Variants in CTDSP2 observed in about 807,000 individuals in gnomAD.
The protein encoded by CTDSP2 is CTD small phosphatase 2.
CTDSP2 carries 9 observed loss-of-function variants against 31.6 expected under a neutral mutation model. The observed-to-expected ratio is 0.28, with a 90% CI of 0.17 to 0.50. The LOEUF is 0.50. Among genes scored for constraint, CTDSP2 ranks in the 20% least tolerant of loss-of-function variants. The pLI is 0.98. For missense variants in CTDSP2, 267 were observed against 348.5 expected (o/e 0.77, Z 1.86); for synonymous variants, 134 against 134.5 (o/e 1.00, Z 0.03).
intron 3 of CTDSP2, 86 bp downstream of exon 3, chr12:57,827,466 G>A: frequency 3.4e-6 from 5 of 1,454,292 alleles, no homozygotes; most frequent in South Asian, 2.3e-5. Context: ...TAGGCACCAA[G>A]GACTATGCAC....
At position 57,820,235 on chromosome 12, in the gene CTDSP2, A is replaced by G. The variant is rs1235064486; in HGVS notation, c.*3367T>C. ...CTCCATGGGCAGGCCCTACAACGTT[A>G]AAAGAATGGGGCAGCTGGCCCGACC... On this transcript the variant is annotated 3_prime_UTR_variant, in exon 8 of 8. Transcript: ENST00000398073. The G allele has an allele frequency of 6.6e-6, 1 of 152,344 alleles. No homozygotes were observed. Among genetic ancestry groups the G allele is most frequent in the Admixed American group, 6.5e-5 (1 of 15,284 alleles). 9.4% of individuals were successfully genotyped at this position (152,344 alleles called of 1,614,324 possible). A position where few individuals can be genotyped will look rare whatever the true frequency, so the allele number is the denominator to read the frequency against.
chr12:57,823,889 A>T lies in CTDSP2; in HGVS notation c.690+15T>A, dbSNP rs781080931. On this transcript the variant is annotated intron_variant, in intron 7 of 7. Coordinates refer to ENST00000398073, the MANE Select transcript of CTDSP2 (RefSeq NM_005730.4). The stretch of plus-strand genomic sequence containing the variant: ...CTCCCAATCCCTACCGTGGAGACGC[A>T]TCAGGAGCACTCACTGCATTCTCGG... The T allele has an allele frequency of 1.2e-6, 2 of 1,613,658 alleles. No individual in the cohort carries two copies. Among genetic ancestry groups the T allele is most frequent in the South Asian group, 2.2e-5 (2 of 91,062 alleles).
At chr12:57,839,056 T>A (rs1592242392) in intron 1 of CTDSP2, among the ~76,000 whole-genome samples, 1 of 152,198 alleles carries the variant, frequency 6.6e-6, no homozygotes, top group East Asian at 1.9e-4. Flanking sequence ...ACATACACAC[T>A]CATTGAGGCT....
intron 1 of CTDSP2, among the ~76,000 whole-genome samples, chr12:57,846,161 G>A (rs920008831): frequency 6.6e-6 from 1 of 152,196 alleles, no homozygotes; most frequent in Admixed American, 6.5e-5. Flanking sequence ...CGCCGAAGAC[G>A]CCCTTTCCGC....
Position 57,823,419 on chromosome 12 carries a change from T to A in CTDSP2, c.*183A>T, listed in dbSNP as rs1595184823. On this transcript the variant is annotated 3_prime_UTR_variant, in exon 8 of 8. Coordinates refer to ENST00000398073, the MANE Select transcript of CTDSP2 (RefSeq NM_005730.4). ...CAAGTTGGCGGCAGGTAGCTCTGGGTATCATTGGTCTGGCATTCGCCCACT... is the reference window on the plus strand; with the variant it reads ...CAAGTTGGCGGCAGGTAGCTCTGGGAATCATTGGTCTGGCATTCGCCCACT... 12 of 632,306 alleles carry A rather than the reference T, an allele frequency of 1.9e-5. No homozygotes were observed. The East Asian group carries it at 3.1e-4, about 16-fold the overall frequency. 39.2% of individuals were successfully genotyped at this position (632,306 alleles called of 1,614,324 possible).
In CTDSP2 at chr12:57,841,165, A is replaced by T. The variant is rs1956280470; in HGVS notation, c.64+5207T>A. Among the ~76,000 whole-genome samples the T allele has an allele frequency of 2.6e-5, 4 of 152,208 alleles. No homozygotes were observed. The South Asian group carries it at 8.3e-4, about 32-fold the overall frequency. On this transcript the variant is annotated intron_variant, in intron 1 of 7. Transcript: ENST00000398073. ...AGGGAAATATGTCAGGGCCACACCC[A>T]ATCCCACGTCCCAAAGACAAGCGAG...
Position 57,846,406 on chromosome 12 carries a change from C to T in CTDSP2, c.30G>A (p.Ala10=), listed in dbSNP as rs758249968. The part of the protein sequence containing the change: MEHGSIITQ[A]RREDALVLTK... ...TGAGCACCAGGGCGTCTTCCCTCCG[C>T]GCCTGGGTGATGATGGAGCCGTGTT... The change falls in exon 1 of 8, where the codon GCG becomes GCA. Residue 10 remains alanine (A), a synonymous_variant. Transcript: ENST00000398073. 2.5e-6 allele frequency: 4 copies of T among 1,608,376 alleles called. No homozygotes were observed. The Admixed American group carries it at 5.0e-5, about 20-fold the overall frequency.
rs139868994 is a variant in CTDSP2 at position 57,830,127 on chromosome 12, T to A, written c.65-531A>T. On this transcript the variant is annotated intron_variant, in intron 1 of 7. Coordinates refer to ENST00000398073, the MANE Select transcript of CTDSP2 (RefSeq NM_005730.4). ...GAGGCCAGGTGCAGTGGCTCACGCC[T>A]GTAATTCCAGCACTTTGGGAGGCCA... 6.3e-3 allele frequency among the ~76,000 whole-genome samples: 963 copies of A among 152,294 alleles called. 16 individuals carry two copies. Among genetic ancestry groups the A allele is most frequent in the African/African-American group, 0.022 (904 of 41,564 alleles).
Position 57,846,488 on chromosome 12 carries a change from G to A in CTDSP2, c.-53C>T, listed in dbSNP as rs1237260733. Reference sequence around the variant, plus strand: ...TGGGCGGGAGGACGGGCGGGCGCGCGGGCTGGGCTGGGCTGGGGGGCCTGG... The same window carrying A: ...TGGGCGGGAGGACGGGCGGGCGCGCAGGCTGGGCTGGGCTGGGGGGCCTGG... On this transcript the variant is annotated 5_prime_UTR_variant, in exon 1 of 8. Transcript: ENST00000398073. The A allele has an allele frequency of 2.5e-5, 37 of 1,454,214 alleles. No homozygotes were observed. The Admixed American group carries it at 3.1e-4, about 12-fold the overall frequency. The allele number at this position is 1,454,214 out of a possible 1,614,324, so 90.1% of individuals were successfully genotyped here.
At chr12:57,844,017 C>G (rs1046877432) in intron 1 of CTDSP2, among the ~76,000 whole-genome samples, 5 of 152,132 alleles carry the variant, frequency 3.3e-5, no homozygotes, top group South Asian at 2.1e-4. Flanking sequence ...CTGGCGAAAC[C>G]CCTGTCTCTA....
chr12:57,824,691 C>T, intron 5 of CTDSP2: 1 of 539,046 alleles, frequency 1.9e-6, no homozygotes, highest in Non-Finnish European at 3.8e-6. Flanking sequence ...CCAGCCACAG[C>T]CTCTATGGGA....
intron 3 of CTDSP2, 151 bp from the exon 4 acceptor site, chr12:57,827,248 A>G: frequency 1.5e-6 from 1 of 648,348 alleles, no homozygotes; most frequent in Non-Finnish European, 2.7e-6. Context: ...AAGGAGGTGG[A>G]GTTGTTTCCT....
chr12:57,837,807 A>G (rs913077531), intron 1 of CTDSP2, among the ~76,000 whole-genome samples: 2 of 152,200 alleles, frequency 1.3e-5, no homozygotes, highest in Admixed American at 1.3e-4. Context: ...CAACTGGGGC[A>G]GCTCTACCTA....
chr12:57,839,663 A>C (rs1332935603), intron 1 of CTDSP2, among the ~76,000 whole-genome samples: 2 of 152,052 alleles, frequency 1.3e-5, no homozygotes, highest in Admixed American at 1.3e-4. Context: ...GCTTGCAGTG[A>C]GCTGAGATCG....
In CTDSP2 at chr12:57,829,604, G is replaced by A. The variant is rs747656401; in HGVS notation, c.65-8C>T. 4.3e-6 allele frequency: 7 copies of A among 1,612,772 alleles called. No homozygotes were observed. Among genetic ancestry groups the A allele is most frequent in the African/African-American group, 4.0e-5 (3 of 74,918 alleles). On this transcript the variant is annotated splice_polypyrimidine_tract_variant and splice_region_variant and intron_variant, in intron 1 of 7. Transcript: ENST00000398073. ...AGGACTTGGAGACCAGGCCTAGGGT[G>A]GAGAGAATGACAGAGGCTTTAGCTC...
chr12:57,835,676 C>T (rs1956243464), intron 1 of CTDSP2, among the ~76,000 whole-genome samples: 1 of 152,164 alleles, frequency 6.6e-6, no homozygotes, highest in South Asian at 2.1e-4. Context: ...TAGCACAGAC[C>T]CAATGAGGGA....
At position 57,821,056 on chromosome 12, in the gene CTDSP2, T is replaced by G. The variant is rs1055348240; in HGVS notation, c.*2546A>C. The G allele has an allele frequency of 2.6e-5, 4 of 152,220 alleles. No homozygotes were observed. Among genetic ancestry groups the G allele is most frequent in the African/African-American group, 9.6e-5 (4 of 41,460 alleles). 9.4% of individuals were successfully genotyped at this position (152,220 alleles called of 1,614,324 possible). ...GGATGAAGCGGCCTCCTCCCTGTCT[T>G]GCCCTCCAAAATTGAGTCTGGCCTG... On this transcript the variant is annotated 3_prime_UTR_variant, in exon 8 of 8. Transcript: ENST00000398073.
chr12:57,827,715 T>G, intron 2 of CTDSP2, 125 bp from the exon 3 acceptor site: 15 of 878,502 alleles, frequency 1.7e-5, no homozygotes, highest in Non-Finnish European at 2.4e-5. Context: ...TGGAAGCTCC[T>G]ACCATGTCAA....
chr12:57,830,229 C>CA (rs1309693950), intron 1 of CTDSP2, among the ~76,000 whole-genome samples: 5 of 151,974 alleles, frequency 3.3e-5, no homozygotes, highest in African/African-American at 1.2e-4. Flanking sequence ...ACTAAAAATA[C>CA]AAAAAATTAG....
Sources: allele counts gnomAD v4.1 joint callset (sites outside exome capture counted in the v4.1 genomes callset), GRCh38; gene constraint gnomAD v4.1.1; transcripts MANE v1.5; gene names NCBI Gene and HGNC (gene_info 2026-07-23, HGNC 2026-07-21).